Variants in SKIDA1 observed in about 807,000 individuals in gnomAD.
The protein encoded by SKIDA1 is SKI/DACH domain containing 1, also known as SKI/DACH domain-containing protein 1.
Under a neutral mutation model 51.4 loss-of-function variants are expected in SKIDA1, and 18 were observed. The observed-to-expected ratio is 0.35, with a 90% CI of 0.24 to 0.52. The LOEUF (loss-of-function observed/expected upper bound fraction) is 0.52. Among genes scored for constraint, SKIDA1 ranks in the 20% least tolerant of loss-of-function variants. SKIDA1 has a pLI of 0.95. For missense variants in SKIDA1, 1,104 were observed against 1,180.6 expected (o/e 0.94, Z 0.95); for synonymous variants, 579 against 500.5 (o/e 1.16, Z -2.09).
chr10:21,513,966 G>C lies in SKIDA1; in HGVS notation c.*1130C>G, dbSNP rs1326527128. 1.3e-5 allele frequency: 2 copies of C among 152,042 alleles called. No individual in the cohort carries two copies. Among genetic ancestry groups the C allele is most frequent in the Non-Finnish European group, 2.9e-5 (2 of 68,030 alleles). The allele number at this position is 152,042 out of a possible 1,614,324, so 9.4% of individuals were successfully genotyped here. ...ATGGTGGATCACACCTTTAATCCCA[G>C]CACTTTGGGAGGCCGAGACAGGCGG... is the stretch of plus-strand genomic sequence containing the variant. On this transcript the variant is annotated 3_prime_UTR_variant, in exon 4 of 4. Transcript: ENST00000449193.
chr10:21,515,615 T>C lies in SKIDA1; in HGVS notation c.2208A>G (p.Glu736=), dbSNP rs1359757221. The C allele has an allele frequency of 1.9e-6, 3 of 1,614,006 alleles. No individual in the cohort carries two copies. The highest frequency in any genetic ancestry group is 2.2e-5 in the South Asian group (2 of 91,078). Residue 736 remains glutamate (E), a synonymous_variant, in exon 4 of 4, where the codon GAA becomes GAG. Coordinates refer to ENST00000449193, the MANE Select transcript of SKIDA1 (RefSeq NM_207371.4). The stretch of plus-strand genomic sequence containing the variant: ...TTTCTTTTTCAGGGCATGCAAAACC[T>C]TCCTTGGCTGTGGTTAACAAGGCGT... ...EEDALLTTAK[E]GFACPEKETP...
chr10:21,515,330 C>A lies in SKIDA1; in HGVS notation c.2493G>T (p.Lys831Asn). 1 of 1,614,010 alleles carries A rather than the reference C, an allele frequency of 6.2e-7. No homozygotes were observed. The highest frequency in any genetic ancestry group is 8.5e-7 in the Non-Finnish European group (1 of 1,179,890). ...CTGCTGATGCTACATTGCTGGCTAC[C>A]TTTTTGCGTCTGTTTATAACTGTAA... is the stretch of plus-strand genomic sequence containing the variant. ...DDFTVINRRK[K>N]VASNVASAVK... Residue 831 changes from lysine to asparagine, a missense_variant, in exon 4 of 4, where the codon AAG becomes AAT. Transcript: ENST00000449193.
Position 21,518,011 on chromosome 10 carries a change from A to C in SKIDA1, c.-189T>G. 1.8e-6 allele frequency: 1 copy of C among 556,718 alleles called. No homozygotes were observed. Among genetic ancestry groups the C allele is most frequent in the Non-Finnish European group, 3.1e-6 (1 of 319,284 alleles). The allele number at this position is 556,718 out of a possible 1,614,324, so 34.5% of individuals were successfully genotyped here. On this transcript the variant is annotated 5_prime_UTR_variant, in exon 4 of 4. Coordinates refer to ENST00000449193, the MANE Select transcript of SKIDA1 (RefSeq NM_207371.4). ...TAGGCGAAATTATTGGGGGGGGGGA[A>C]ACCCCATGAAATTACACTGACTTGA...
Position 21,518,859 on chromosome 10 carries a change from T to G in SKIDA1, c.-1037A>C, listed in dbSNP as rs1466480942. 1 of 165,746 alleles carries G rather than the reference T, an allele frequency of 6.0e-6. No homozygotes were observed. The highest frequency in any genetic ancestry group is 1.5e-5 in the Non-Finnish European group (1 of 67,862). The allele number at this position is 165,746 out of a possible 1,614,324, so 10.3% of individuals were successfully genotyped here. Reference sequence around the variant, plus strand: ...ATTTCTCTCGATTTTCCTTTTTTTTTTTTTTTTTTCCTGAAATGCCTTTTT... The same window carrying G: ...ATTTCTCTCGATTTTCCTTTTTTTTGTTTTTTTTTCCTGAAATGCCTTTTT... On this transcript the variant is annotated 5_prime_UTR_variant, in exon 4 of 4. Transcript: ENST00000449193.
rs1258458104 is a variant in SKIDA1 at position 21,517,322 on chromosome 10, G to GGCGGCGGGGCGC, written c.489_500dup (p.Arg164_Ala167dup). ...ATTTGCTAAAAATCTGAGGTAGATGGGCGGCGGGGCGCGCGGCGGCGGCGC... is the reference window on the plus strand; with the variant it reads ...ATTTGCTAAAAATCTGAGGTAGATGGGCGGCGGGGCGCGCGGCGGGGCGCGCGGCGGCGGCGC... On this transcript the variant is annotated inframe_insertion, in exon 4 of 4. Transcript: ENST00000449193. The surrounding 1 kb of genome is among the most constrained non-coding windows in gnomAD (Gnocchi z 6.9). 44 of 1,433,736 alleles carry GGCGGCGGGGCGC rather than the reference G, an allele frequency of 3.1e-5. 1 individual carries two copies. Among genetic ancestry groups the GGCGGCGGGGCGC allele is most frequent in the East Asian group, 2.8e-4 (9 of 32,314 alleles). The allele number at this position is 1,433,736 out of a possible 1,614,324, so 88.8% of individuals were successfully genotyped here.
rs71393903 is a variant in SKIDA1 at position 21,514,213 on chromosome 10, C to CAAAAAAA, written c.*876_*882dup. 6.7e-5 allele frequency: 4 copies of CAAAAAAA among 60,148 alleles called. No individual in the cohort carries two copies. The highest frequency in any genetic ancestry group is 1.5e-4 in the African/African-American group (2 of 13,192). The allele number at this position is 60,148 out of a possible 1,614,324, so 3.7% of individuals were successfully genotyped here. A position where few individuals can be genotyped will look rare whatever the true frequency, so the allele number is the denominator to read the frequency against. ...CTGGGCGACACAGCGAGACTCTCTC[C>CAAAAAAA]AAAAAAAAAAAAAAAAAAAAAAAGA... On this transcript the variant is annotated 3_prime_UTR_variant, in exon 4 of 4. Transcript: ENST00000449193.
At position 21,515,706 on chromosome 10, in the gene SKIDA1, T is replaced by A. The variant is rs2032178314; in HGVS notation, c.2117A>T (p.Lys706Met). ...EEYEPHLFTNKLKCECNDTKG... is the reference protein window; with the variant it reads ...EEYEPHLFTNMLKCECNDTKG... The stretch of plus-strand genomic sequence containing the variant: ...TGTATCATTGCACTCGCACTTTAGC[T>A]TATTTGTAAAAAGGTGAGGTTCATA... Residue 706 changes from lysine to methionine, a missense_variant, in exon 4 of 4, where the codon AAG (lysine) becomes ATG (methionine). This residue lies in a region of SKIDA1 where 938 missense variants were observed against 886.4 expected (regional missense o/e 1.06). Transcript: ENST00000449193. 1 of 1,614,070 alleles carries A rather than the reference T, an allele frequency of 6.2e-7. No homozygotes were observed. The highest frequency in any genetic ancestry group is 8.5e-7 in the Non-Finnish European group (1 of 1,179,912).
Position 21,515,040 on chromosome 10 carries a change from C to A in SKIDA1, c.*56G>T, listed in dbSNP as rs2032156424. The A allele has an allele frequency of 1.3e-6, 2 of 1,492,754 alleles. No individual in the cohort carries two copies. Among genetic ancestry groups the A allele is most frequent in the African/African-American group, 1.4e-5 (1 of 71,530 alleles). 92.5% of individuals were successfully genotyped at this position (1,492,754 alleles called of 1,614,324 possible). ...ATGGACTTGTACAAACCATCCTGTG[C>A]AGTTTACAACAAAAGGAAGGTAATA... On this transcript the variant is annotated 3_prime_UTR_variant, in exon 4 of 4. Transcript: ENST00000449193.
chr10:21,525,283 G>C (rs1439354230), intron 1 of SKIDA1, among the ~76,000 whole-genome samples: 1 of 152,212 alleles, frequency 6.6e-6, no homozygotes, highest in Non-Finnish European at 1.5e-5. Context: ...TTTGCTAATA[G>C]AAGAAATGGC....
intron 1 of SKIDA1, among the ~76,000 whole-genome samples, chr10:21,525,029 G>C (rs11815111): frequency 0.058 from 8,852 of 152,254 alleles, 529 homozygotes; most frequent in African/African-American, 0.15. Flanking sequence ...CCGCGCCAGT[G>C]TCAGCAACTT....
rs1009898659 is a variant in SKIDA1, at chr10:21,519,437, G to A, written c.-1615C>T. ...GGCAAATTTTGGTGTCGTTTTCAAGGATATCCAAAATATTGCCAAATGAGA... is the reference window on the plus strand; with the variant it reads ...GGCAAATTTTGGTGTCGTTTTCAAGAATATCCAAAATATTGCCAAATGAGA... On this transcript the variant is annotated 5_prime_UTR_variant, in exon 4 of 4. Coordinates refer to ENST00000449193, the MANE Select transcript of SKIDA1 (RefSeq NM_207371.4). 1 of 166,976 alleles carries A rather than the reference G, an allele frequency of 6.0e-6. No individual in the cohort carries two copies. The highest frequency in any genetic ancestry group is 1.5e-5 in the Non-Finnish European group (1 of 68,120). 10.3% of individuals were successfully genotyped at this position (166,976 alleles called of 1,614,324 possible).
At chr10:21,520,459 C>T (rs2032360654) in intron 3 of SKIDA1, among the ~76,000 whole-genome samples, 1 of 54,088 alleles carries the variant, frequency 1.8e-5, no homozygotes, top group South Asian at 1.1e-3. Flanking sequence ...GTACTGCCAG[C>T]CCTCGCCCTC....
At position 21,517,990 on chromosome 10, in the gene SKIDA1, C is replaced by A; in HGVS notation, c.-168G>T. The A allele has an allele frequency of 3.7e-6, 2 of 540,266 alleles. No individual in the cohort carries two copies. The highest frequency in any genetic ancestry group is 4.7e-5 in the South Asian group (1 of 21,230). The allele number at this position is 540,266 out of a possible 1,614,324, so 33.5% of individuals were successfully genotyped here. A position where few individuals can be genotyped will look rare whatever the true frequency, so the allele number is the denominator to read the frequency against. ...GGCGAAGGAAGTGCCAAACTCTAGGCGAAATTATTGGGGGGGGGGAAACCC... is the reference window on the plus strand; with the variant it reads ...GGCGAAGGAAGTGCCAAACTCTAGGAGAAATTATTGGGGGGGGGGAAACCC... On this transcript the variant is annotated 5_prime_UTR_variant, in exon 4 of 4. Coordinates refer to ENST00000449193, the MANE Select transcript of SKIDA1 (RefSeq NM_207371.4). The surrounding 1 kb of genome is among the most constrained non-coding windows in gnomAD (Gnocchi z 6.9).
intron 2 of SKIDA1, among the ~76,000 whole-genome samples, 159 bp downstream of exon 2, chr10:21,523,524 G>GA (rs1028552508): frequency 6.6e-5 from 10 of 151,662 alleles, no homozygotes; most frequent in East Asian, 5.8e-4. Context: ...GAATGCAAAA[G>GA]AAAAAAAATC....
intron 3 of SKIDA1, among the ~76,000 whole-genome samples, chr10:21,520,264 A>C (rs2131274694): frequency 6.6e-6 from 1 of 152,188 alleles, no homozygotes; most frequent in African/African-American, 2.4e-5. Flanking sequence ...TTGCATCTGG[A>C]TCTATTACAC....
At position 21,518,043 on chromosome 10, in the gene SKIDA1, C is replaced by CT. The variant is rs988008241; in HGVS notation, c.-222dup. 5 of 508,698 alleles carry CT rather than the reference C, an allele frequency of 9.8e-6. No individual in the cohort carries two copies. Among genetic ancestry groups the CT allele is most frequent in the African/African-American group, 1.9e-5 (1 of 51,316 alleles). The allele number at this position is 508,698 out of a possible 1,614,324, so 31.5% of individuals were successfully genotyped here. ...TGAAATTACACTGACTTGATTCTTG[C>CT]TTTTTTGTTGTTGTTGTTTTCGTTT... On this transcript the variant is annotated 5_prime_UTR_variant, in exon 4 of 4. The change creates a premature stop within an existing upstream ORF in the 5' untranslated region. Coordinates refer to ENST00000449193, the MANE Select transcript of SKIDA1 (RefSeq NM_207371.4).
chr10:21,523,827 C>G lies in SKIDA1; in HGVS notation c.-2073G>C, dbSNP rs764192315. 7 of 150,600 alleles carry G rather than the reference C, an allele frequency of 4.6e-5. No individual in the cohort carries two copies. Among genetic ancestry groups the G allele is most frequent in the Non-Finnish European group, 7.4e-5 (5 of 67,882 alleles). The allele number at this position is 150,600 out of a possible 1,614,324, so 9.3% of individuals were successfully genotyped here. On this transcript the variant is annotated 5_prime_UTR_variant, in exon 2 of 4. Coordinates refer to ENST00000449193, the MANE Select transcript of SKIDA1 (RefSeq NM_207371.4). ...GCTTCAGCCCAAATCCTTCTGGGAG[C>G]ACTGGAGCCAATCACTGTCTTTCAC...
intron 3 of SKIDA1, among the ~76,000 whole-genome samples, chr10:21,521,089 A>ACACACAC (rs71667086): frequency 3.5e-4 from 17 of 48,530 alleles, no homozygotes; most frequent in South Asian, 1.3e-3. Flanking sequence ...CACACACACA[A>ACACACAC]ACACAGAATG....
chr10:21,516,919 T>G lies in SKIDA1; in HGVS notation c.904A>C (p.Lys302Gln), dbSNP rs2032242934. Residue 302 changes from lysine to glutamine, a missense_variant, in exon 4 of 4, where the codon AAG becomes CAG. Lys to Gln is a moderately conservative substitution (Grantham distance 53). Coordinates refer to ENST00000449193, the MANE Select transcript of SKIDA1 (RefSeq NM_207371.4). The surrounding 1 kb of genome is among the most constrained non-coding windows in gnomAD (Gnocchi z 5.7). ...GCCGCCGCCGCCGCCGCCGCCGCCT[T>G]GGCTTTGTAGGACCTGGGCAACAGC... ...LLLLPRSYKA[K>Q]AAAAAAAAAA... The G allele has an allele frequency of 8.9e-7, 1 of 1,128,238 alleles. No homozygotes were observed. The highest frequency in any genetic ancestry group is 1.1e-6 in the Non-Finnish European group (1 of 929,018). The allele number at this position is 1,128,238 out of a possible 1,614,324, so 69.9% of individuals were successfully genotyped here. A position where few individuals can be genotyped will look rare whatever the true frequency, so the allele number is the denominator to read the frequency against.
Sources: allele counts gnomAD v4.1 joint callset (sites outside exome capture counted in the v4.1 genomes callset), GRCh38; gene constraint gnomAD v4.1.1; regional missense constraint gnomAD v4.1.1; non-coding constraint Gnocchi (gnomAD v3.1); transcripts MANE v1.5; gene names NCBI Gene and HGNC (gene_info 2026-07-23, HGNC 2026-07-21).